ULK1: variants seen among roughly 807,000 people sequenced by gnomAD.
ULK1 encodes the protein unc-51 like autophagy activating kinase 1.
In ULK1, 48 loss-of-function variants were observed where a neutral mutation model predicts 117.5. The observed-to-expected ratio is 0.41, with a 90% CI of 0.32 to 0.52. ULK1 has a LOEUF of 0.52. ULK1 is among the 20% of genes least tolerant of loss of function. The pLI is 0.29. For synonymous variants in ULK1, 790 were observed against 637.8 expected, an observed-to-expected ratio of 1.24 and a Z score of -3.60; for missense variants, 1,387 against 1,473.4, an observed-to-expected ratio of 0.94 and a Z score of 0.96.
At position 131,923,127 on chromosome 12, in the gene ULK1, A is replaced by G. The variant is rs1037501555; in HGVS notation, c.*1766A>G. On this transcript the variant is annotated 3_prime_UTR_variant, in exon 28 of 28. Coordinates refer to ENST00000321867, the MANE Select transcript of ULK1 (RefSeq NM_003565.4). ...CGTTATATTGTATAATACCAACGTAAGGAAATAAACCTTTGGAATTGTTGG... is the reference window on the plus strand; with the variant it reads ...CGTTATATTGTATAATACCAACGTAGGGAAATAAACCTTTGGAATTGTTGG... The G allele has an allele frequency of 7.2e-5, 11 of 152,266 alleles. No individual in the cohort carries two copies. Among genetic ancestry groups the G allele is most frequent in the African/African-American group, 2.4e-4 (10 of 41,468 alleles). 9.4% of individuals were successfully genotyped at this position (152,266 alleles called of 1,614,324 possible). A position where few individuals can be genotyped will look rare whatever the true frequency, so the allele number is the denominator to read the frequency against.
In ULK1 at chr12:131,921,385, C is replaced by A. The variant is rs765491965; in HGVS notation, c.*24C>A. 1.2e-6 allele frequency: 2 copies of A among 1,600,838 alleles called. No homozygotes were observed. The highest frequency in any genetic ancestry group is 3.3e-5 in the Admixed American group (2 of 60,028). On this transcript the variant is annotated 3_prime_UTR_variant, in exon 28 of 28. Transcript: ENST00000321867. ...GACCTTTCTGGCCTGGCTGGGCCCC[C>A]CGTCCTGCCGAGCCCTGCAGAGTGG...
Position 131,915,404 on chromosome 12 carries a change from G to A in ULK1, c.1592G>A (p.Gly531Asp), listed in dbSNP as rs1889732014. The change falls in exon 18 of 28, where the codon GGC becomes GAC. Residue 531 changes from glycine to aspartate, a missense_variant. Gly to Asp is a moderately conservative substitution (Grantham distance 94, BLOSUM62 -1). Coordinates refer to ENST00000321867, the MANE Select transcript of ULK1 (RefSeq NM_003565.4). ...CCACAGGGAGCTGAGATGCGGGGTGGCAGGTCCCCTCGTCCAGGTGGGTGC... is the reference window on the plus strand; with the variant it reads ...CCACAGGGAGCTGAGATGCGGGGTGACAGGTCCCCTCGTCCAGGTGGGTGC... ...PSPQGAEMRG[G>D]RSPRPGSSAP... 1 of 1,612,686 alleles carries A rather than the reference G, an allele frequency of 6.2e-7. No homozygotes were observed. The highest frequency in any genetic ancestry group is 8.5e-7 in the Non-Finnish European group (1 of 1,179,972).
At position 131,903,015 on chromosome 12, in the gene ULK1, CTG is replaced by C. The variant is rs1165471686; in HGVS notation, c.247-3872_247-3871del. Among the ~76,000 whole-genome samples the C allele has an allele frequency of 6.6e-6, 1 of 152,116 alleles. No individual in the cohort carries two copies. The highest frequency in any genetic ancestry group is 1.5e-5 in the Non-Finnish European group (1 of 68,004). ...CAAGGCAGAGCTGGAGCCCGATGCC[CTG>C]TGTGGGTTCTGGGTGGGCCCAGGGG... On this transcript the variant is annotated intron_variant, in intron 3 of 27. Coordinates refer to ENST00000321867, the MANE Select transcript of ULK1 (RefSeq NM_003565.4). This position sits in a 1 kb window ranked among gnomAD's most constrained non-coding sequence, Gnocchi z 6.0.
chr12:131,900,790 T>C (rs769146152), intron 3 of ULK1, among the ~76,000 whole-genome samples: 1 of 152,164 alleles, frequency 6.6e-6, no homozygotes, highest in Non-Finnish European at 1.5e-5. Flanking sequence ...CAGCCCTGCT[T>C]GGGGTCCTGG....
chr12:131,917,075 G>GTGGGGGTCGGAGGCTGTGGGA lies in ULK1; in HGVS notation c.2182+18_2182+19insGTCGGAGGCTGTGGGATGGGG. On this transcript the variant is annotated intron_variant, in intron 21 of 27. Coordinates refer to ENST00000321867, the MANE Select transcript of ULK1 (RefSeq NM_003565.4). ...CCCATGGAGATCGGTGTGTGGGTGG[G>GTGGGGGTCGGAGGCTGTGGGA]TGGGGCTCGGAGGCTGTGGGATGGG... is the stretch of plus-strand genomic sequence containing the variant. 2 of 1,292,462 alleles carry GTGGGGGTCGGAGGCTGTGGGA rather than the reference G, an allele frequency of 1.5e-6. No individual in the cohort carries two copies. Among genetic ancestry groups the GTGGGGGTCGGAGGCTGTGGGA allele is most frequent in the Non-Finnish European group, 2.1e-6 (2 of 972,414 alleles). 80.1% of individuals were successfully genotyped at this position (1,292,462 alleles called of 1,614,324 possible).
At chr12:131,898,668 A>C (rs1888969575) in intron 3 of ULK1, among the ~76,000 whole-genome samples, 1 of 150,332 alleles carries the variant, frequency 6.7e-6, no homozygotes, top group African/African-American at 2.5e-5. Context: ...CGCTAGGCTA[A>C]TTTTTGTATT....
chr12:131,901,097 G>A (rs906392140), intron 3 of ULK1, among the ~76,000 whole-genome samples: 8 of 150,946 alleles, frequency 5.3e-5, no homozygotes, highest in Admixed American at 2.6e-4. Flanking sequence ...AGTGGCTCAC[G>A]CCTGTAATCC....
Position 131,917,531 on chromosome 12 carries a change from G to T in ULK1, c.2303G>T (p.Gly768Val). The change falls in exon 22 of 28, where the codon GGC becomes GTC. Residue 768 changes from glycine (G) to valine (V), a missense_variant. By Grantham distance (109) the Gly-to-Val change is moderately radical (BLOSUM62 -3). Around this residue, in one of 4 missense-constraint regions of ULK1, gnomAD observed 900 missense variants for 858.9 expected, o/e 1.05. Coordinates refer to ENST00000321867, the MANE Select transcript of ULK1 (RefSeq NM_003565.4). The part of the protein sequence containing the change: ...SPPSGSTPPQ[G>V]PRTRMFSAGP... The stretch of plus-strand genomic sequence containing the variant: ...CCGAGCGGGAGCACGCCCCCCCAGG[G>T]CCCCCGCACCAGGATGTTCTCAGGT... 6.9e-7 allele frequency: 1 copy of T among 1,446,244 alleles called. No individual in the cohort carries two copies. Among genetic ancestry groups the T allele is most frequent in the South Asian group, 1.5e-5 (1 of 66,452 alleles). The allele number at this position is 1,446,244 out of a possible 1,614,324, so 89.6% of individuals were successfully genotyped here. A position where few individuals can be genotyped will look rare whatever the true frequency, so the allele number is the denominator to read the frequency against.
chr12:131,916,209 T>C (rs1161676723), intron 19 of ULK1, 50 bp downstream of exon 19: 2 of 1,586,448 alleles, frequency 1.3e-6, no homozygotes, highest in South Asian at 1.1e-5. Context: ...GGGGAAGATG[T>C]GTGGGAATGG....
At position 131,915,175 on chromosome 12, in the gene ULK1, T is replaced by C. The variant is rs1046000591; in HGVS notation, c.1466T>C (p.Val489Ala). The change falls in exon 17 of 28, where the codon GTC becomes GCC. Residue 489 changes from valine (V) to alanine (A), a missense_variant. By Grantham distance (64) the Val-to-Ala change is moderately conservative. Around this residue, in one of 4 missense-constraint regions of ULK1, gnomAD observed 900 missense variants for 858.9 expected, o/e 1.05. Coordinates refer to ENST00000321867, the MANE Select transcript of ULK1 (RefSeq NM_003565.4). Reference sequence around the variant, plus strand: ...CCTGCCCACGCTGAGCATGGAGGCGTCCTGGCCAGGAAGATGTCTCTGGGT... The same window carrying C: ...CCTGCCCACGCTGAGCATGGAGGCGCCCTGGCCAGGAAGATGTCTCTGGGT... ...SPPAHAEHGG[V>A]LARKMSLGGG... 1 of 1,602,460 alleles carries C rather than the reference T, an allele frequency of 6.2e-7. No homozygotes were observed. Among genetic ancestry groups the C allele is most frequent in the Non-Finnish European group, 8.5e-7 (1 of 1,175,202 alleles).
In ULK1 at chr12:131,918,580, G is replaced by A; in HGVS notation, c.2410G>A (p.Ala804Thr). The A allele has an allele frequency of 1.2e-6, 2 of 1,610,980 alleles. No homozygotes were observed. The highest frequency in any genetic ancestry group is 2.2e-5 in the East Asian group (1 of 44,798). ...CGAGGCCCCAGCCCCTGAGCTCCCT[G>A]CTCCAGGACACGGCTGCAGCTTTGC... ...CSEAPAPELP[A>T]PGHGCSFADP... Residue 804 changes from alanine to threonine, a missense_variant, in exon 23 of 28, where the codon GCT (alanine) becomes ACT (threonine). Around this residue, in one of 4 missense-constraint regions of ULK1, gnomAD observed 900 missense variants for 858.9 expected, o/e 1.05. Transcript: ENST00000321867.
At position 131,919,398 on chromosome 12, in the gene ULK1, G is replaced by C; in HGVS notation, c.2684+14G>C. ...CCGAGAATGGGGGTGGGTGCCGCCA[G>C]GGCTGGGGTGGGGCGGGTGGTGGCC... is the stretch of plus-strand genomic sequence containing the variant. On this transcript the variant is annotated intron_variant, in intron 24 of 27. Transcript: ENST00000321867. The C allele has an allele frequency of 6.4e-7, 1 of 1,556,202 alleles. No homozygotes were observed. Among genetic ancestry groups the C allele is most frequent in the Non-Finnish European group, 8.7e-7 (1 of 1,149,424 alleles).
Position 131,895,054 on chromosome 12 carries a change from G to T in ULK1, c.53G>T (p.Arg18Leu), listed in dbSNP as rs1296513814. ...ACCGTGGGCAAGTTCGAGTTCTCCC[G>T]CAAGGACCTGATCGGCCACGGCGCC... ...TETVGKFEFS[R>L]KDLIGHGAFA... is the part of the protein sequence containing the mutation. The change falls in exon 1 of 28, where the codon CGC becomes CTC. Residue 18 changes from arginine to leucine, a missense_variant. Physicochemically the swap from Arg to Leu is moderately radical, Grantham distance 102. This residue lies in a region of ULK1 where 224 missense variants were observed against 325.2 expected (regional missense o/e 0.69). Coordinates refer to ENST00000321867, the MANE Select transcript of ULK1 (RefSeq NM_003565.4). The T allele has an allele frequency of 5.8e-6, 9 of 1,555,594 alleles. No individual in the cohort carries two copies. The highest frequency in any genetic ancestry group is 1.4e-5 in the African/African-American group (1 of 71,638).
At chr12:131,911,341 C>G (rs1889526207) in intron 12 of ULK1, among the ~76,000 whole-genome samples, 1 of 152,172 alleles carries the variant, frequency 6.6e-6, no homozygotes, top group Non-Finnish European at 1.5e-5. Context: ...TGCTCTGTGA[C>G]CAGGGACCGG....
Position 131,919,380 on chromosome 12 carries a change from T to TGGGGGTGGGTGCCGCCAGGGC in ULK1, c.2681_2684+17dup, listed in dbSNP as rs1890045460. ...CCAGATCAGCCTGCTGAGCCGAGAATGGGGGTGGGTGCCGCCAGGGCTGGG... is the reference window on the plus strand; with the variant it reads ...CCAGATCAGCCTGCTGAGCCGAGAATGGGGGTGGGTGCCGCCAGGGCGGGGGTGGGTGCCGCCAGGGCTGGG... On this transcript the variant is annotated inframe_insertion, in exon 24 of 28. Coordinates refer to ENST00000321867, the MANE Select transcript of ULK1 (RefSeq NM_003565.4). 1 of 243,908 alleles carries TGGGGGTGGGTGCCGCCAGGGC rather than the reference T, an allele frequency of 4.1e-6. No homozygotes were observed. The highest frequency in any genetic ancestry group is 6.5e-5 in the African/African-American group (1 of 15,314). 15.1% of individuals were successfully genotyped at this position (243,908 alleles called of 1,614,324 possible).
intron 22 of ULK1, 26 bp downstream of exon 22, chr12:131,917,580 T>C (rs1889918062): frequency 1.4e-6 from 2 of 1,380,698 alleles, no homozygotes; most frequent in Non-Finnish European, 1.9e-6. Context: ...GCTGAAGCCC[T>C]GTCCCTTTTG....
chr12:131,919,738 G>A, intron 25 of ULK1, 148 bp downstream of exon 25: 1 of 1,080,100 alleles, frequency 9.3e-7, no homozygotes, highest in Non-Finnish European at 1.3e-6. Flanking sequence ...AGTGTGCAGA[G>A]CACAGAGGCC....
chr12:131,905,975 G>A (rs143295765), intron 3 of ULK1, among the ~76,000 whole-genome samples: 2 of 152,344 alleles, frequency 1.3e-5, no homozygotes, highest in East Asian at 1.9e-4. Flanking sequence ...TGGCTGAGAC[G>A]CCTCTGACCG....
rs941468184 is a variant in ULK1, at chr12:131,914,295, A to G, written c.1248-57A>G. 4 of 1,585,058 alleles carry G rather than the reference A, an allele frequency of 2.5e-6. No homozygotes were observed. In the African/African-American group the frequency reaches 5.4e-5, roughly 21 times the overall value. On this transcript the variant is annotated intron_variant, in intron 15 of 27. Coordinates refer to ENST00000321867, the MANE Select transcript of ULK1 (RefSeq NM_003565.4). The stretch of plus-strand genomic sequence containing the variant: ...TTTCTTCTGGTGCCCCAGCTCCATG[A>G]CCTCAGCCTCTTGTGACCCCAGTGT...
Sources: gnomAD v4.1 joint callset for allele counts (sites outside exome capture counted in the v4.1 genomes callset) on GRCh38, gnomAD v4.1.1 for gene constraint, gnomAD v4.1.1 regional missense constraint, Gnocchi (gnomAD v3.1) non-coding constraint, MANE v1.5 for transcripts, NCBI Gene and HGNC (gene_info 2026-07-23, HGNC 2026-07-21) for gene names.